RNF166: variants seen among roughly 807,000 people sequenced by gnomAD.
The protein encoded by RNF166 is ring finger protein 166.
A neutral mutation model predicts 29.4 loss-of-function variants in RNF166; 19 were observed. The ratio of observed to expected loss-of-function variants is 0.65; its 90% confidence interval spans 0.45 to 0.95. The LOEUF (loss-of-function observed/expected upper bound fraction) is 0.95. Ranked by LOEUF, RNF166 falls within the 40% of genes least tolerant of loss-of-function variation. RNF166 has a pLI of 0.00. For synonymous variants in RNF166, 171 were observed against 134.5 expected (o/e 1.27, Z -1.88); for missense variants, 347 against 322.1 (o/e 1.08, Z -0.59).
At chr16:88,702,225 A>G (rs1284653518) in intron 1 of RNF166, among the ~76,000 whole-genome samples, 1 of 152,116 alleles carries the variant, frequency 6.6e-6, no homozygotes. Flanking sequence ...CAGGCGCGAG[A>G]GCCCCCAGTG....
At chr16:88,700,588 C>G in intron 2 of RNF166, 1 of 985,478 alleles carries the variant, frequency 1.0e-6, no homozygotes, top group Non-Finnish European at 1.2e-6. Context: ...TGAGATGTGG[C>G]AACGTCGGGA....
chr16:88,701,062 T>C, intron 2 of RNF166, 200 bp downstream of exon 2: 1 of 1,315,384 alleles, frequency 7.6e-7, no homozygotes, highest in East Asian at 2.6e-5. Context: ...GGCCCCCCCG[T>C]CAGCCGTCAC....
chr16:88,703,772 C>G, intron 1 of RNF166: 1 of 985,464 alleles, frequency 1.0e-6, no homozygotes, highest in Non-Finnish European at 1.2e-6. Flanking sequence ...GCCCTCCCAG[C>G]AGGCACCCGG....
rs1371698438 is a variant in RNF166 at position 88,704,385 on chromosome 16, C to T, written c.155+1786G>A. On this transcript the variant is annotated intron_variant, in intron 1 of 5. Transcript: ENST00000312838. The stretch of plus-strand genomic sequence containing the variant: ...GGACCCGCGGTGAGACTAGGATGGT[C>T]GTCATTCTACCAAGAAAAGCATGGC... The T allele has an allele frequency of 3.1e-5, 31 of 985,196 alleles. No homozygotes were observed. In the South Asian group the frequency reaches 5.6e-4, roughly 18 times the overall value. The allele number at this position is 985,196 out of a possible 1,614,324, so 61.0% of individuals were successfully genotyped here. A position where few individuals can be genotyped will look rare whatever the true frequency, so the allele number is the denominator to read the frequency against.
chr16:88,705,688 C>G (rs1455588655), intron 1 of RNF166, among the ~76,000 whole-genome samples: 1 of 152,392 alleles, frequency 6.6e-6, no homozygotes, highest in South Asian at 2.1e-4. Context: ...AAACAAGCCC[C>G]TCTAAACTTT....
At chr16:88,704,794 A>G (rs555490506) in intron 1 of RNF166, among the ~76,000 whole-genome samples, 1 of 152,232 alleles carries the variant, frequency 6.6e-6, no homozygotes, top group Non-Finnish European at 1.5e-5. Flanking sequence ...GTTCGAGACC[A>G]GCCTGGCCAA....
At chr16:88,704,717 C>T (rs986576839) in intron 1 of RNF166, among the ~76,000 whole-genome samples, 1 of 152,194 alleles carries the variant, frequency 6.6e-6, no homozygotes, top group Admixed American at 6.5e-5. Context: ...CTGCCAGGCG[C>T]GGTGGCTCAC....
intron 1 of RNF166, among the ~76,000 whole-genome samples, chr16:88,704,657 G>A (rs188989348): frequency 1.8e-4 from 28 of 152,158 alleles, no homozygotes; most frequent in African/African-American, 6.8e-4. Context: ...AGATGAGAAG[G>A]TGCGGAACAC....
intron 3 of RNF166, 135 bp from the exon 4 acceptor site, chr16:88,699,220 C>G (rs1026354539): frequency 5.7e-6 from 4 of 705,556 alleles, no homozygotes; most frequent in Non-Finnish European, 7.5e-6. Flanking sequence ...CTGGGTGCCC[C>G]CCGTGCCTCT....
At chr16:88,700,620 C>G (rs1910119264) in intron 2 of RNF166, 1 of 986,174 alleles carries the variant, frequency 1.0e-6, no homozygotes, top group Non-Finnish European at 1.2e-6. Flanking sequence ...AAAATCACCT[C>G]TAGCTGCTCA....
chr16:88,697,754 G>C, intron 5 of RNF166, 121 bp from the exon 6 acceptor site: 1 of 725,358 alleles, frequency 1.4e-6, no homozygotes, highest in Non-Finnish European at 2.4e-6. Flanking sequence ...GACACAGGAA[G>C]GACCCAGCTC....
In RNF166 at chr16:88,696,529, TTTTTTA is replaced by T; in HGVS notation, c.*1033_*1038del. On this transcript the variant is annotated 3_prime_UTR_variant, in exon 6 of 6. Transcript: ENST00000312838. ...TCTGAGACATTTTATTTAAACTTTT[TTTTTTA>T]AAAAAAAGACAGCAATAATTAATGC... The T allele has an allele frequency of 2.3e-6, 1 of 428,788 alleles. No homozygotes were observed. The highest frequency in any genetic ancestry group is 7.0e-5 in the East Asian group (1 of 14,296). 26.6% of individuals were successfully genotyped at this position (428,788 alleles called of 1,614,324 possible).
At chr16:88,705,983 A>C (rs1167483434) in intron 1 of RNF166, among the ~76,000 whole-genome samples, 188 bp downstream of exon 1, 21 of 151,826 alleles carry the variant, frequency 1.4e-4, no homozygotes. Flanking sequence ...TGGGCGGGGG[A>C]TGAACGCGCC....
Position 88,697,298 on chromosome 16 carries a change from C to T in RNF166, c.*270G>A, listed in dbSNP as rs1438548643. Reference sequence around the variant, plus strand: ...AGACGGCGGCAGCTCCAGGTCCCAGCGTCCAGCCCTGCCCAAGTAGGCCGC... The same window carrying T: ...AGACGGCGGCAGCTCCAGGTCCCAGTGTCCAGCCCTGCCCAAGTAGGCCGC... On this transcript the variant is annotated 3_prime_UTR_variant, in exon 6 of 6. Transcript: ENST00000312838. 3.9e-5 allele frequency: 13 copies of T among 335,572 alleles called. No individual in the cohort carries two copies. In the South Asian group the frequency reaches 5.3e-4, roughly 14 times the overall value. The allele number at this position is 335,572 out of a possible 1,614,324, so 20.8% of individuals were successfully genotyped here.
intron 1 of RNF166, chr16:88,703,146 A>G: frequency 2.0e-6 from 2 of 985,482 alleles, no homozygotes; most frequent in Non-Finnish European, 2.4e-6. Context: ...CTCAACGTCC[A>G]GCAGAGAGAA....
Position 88,696,687 on chromosome 16 carries a change from G to A in RNF166, c.*881C>T. Reference sequence around the variant, plus strand: ...GCGGGGCACAGTCAGCTTTGAAGGTGACAGCGGGCCAAGGCCAGGACTCTG... The same window carrying A: ...GCGGGGCACAGTCAGCTTTGAAGGTAACAGCGGGCCAAGGCCAGGACTCTG... On this transcript the variant is annotated 3_prime_UTR_variant, in exon 6 of 6. Transcript: ENST00000312838. 2.3e-6 allele frequency: 1 copy of A among 433,414 alleles called. No individual in the cohort carries two copies. Among genetic ancestry groups the A allele is most frequent in the Non-Finnish European group, 4.5e-6 (1 of 221,174 alleles). The allele number at this position is 433,414 out of a possible 1,614,324, so 26.8% of individuals were successfully genotyped here.
At chr16:88,700,577 C>A in intron 2 of RNF166, 3 of 985,104 alleles carry the variant, frequency 3.0e-6, no homozygotes, top group Non-Finnish European at 3.6e-6. Context: ...ACTTATTCAC[C>A]TGAGATGTGG....
At chr16:88,699,472 G>A (rs1303062813) in intron 3 of RNF166, 148 bp downstream of exon 3, 2 of 638,896 alleles carry the variant, frequency 3.1e-6, no homozygotes. Flanking sequence ...GAGCCTTCCT[G>A]CAGGGTGGCA....
intron 1 of RNF166, chr16:88,704,001 G>C: frequency 1.0e-6 from 1 of 985,464 alleles, no homozygotes; most frequent in Non-Finnish European, 1.2e-6. Flanking sequence ...TCACTGCTCA[G>C]ACTGTCCCCT....
Sources: allele counts gnomAD v4.1 joint callset (sites outside exome capture counted in the v4.1 genomes callset), GRCh38; gene constraint gnomAD v4.1.1; transcripts MANE v1.5; gene names NCBI Gene and HGNC (gene_info 2026-07-23, HGNC 2026-07-21).